The following SHANK2 variants were observed in gnomAD, a reference collection of about 807,000 sequenced individuals.
SHANK2 encodes SH3 and multiple ankyrin repeat domains 2.
In SHANK2, 43 loss-of-function variants were observed where a neutral mutation model predicts 133.7. The observed-to-expected ratio is 0.32, with a 90% CI of 0.25 to 0.41. The LOEUF is 0.41. Ranked by LOEUF, SHANK2 falls within the 10% of genes least tolerant of loss-of-function variation. The pLI is 1.00. For missense variants in SHANK2, 1,994 were observed against 2,235.8 expected, an observed-to-expected ratio of 0.89 and a Z score of 2.18; for synonymous variants, 1,017 against 952.8, an observed-to-expected ratio of 1.07 and a Z score of -1.24.
intron 17 of SHANK2, among the ~76,000 whole-genome samples, chr11:70,639,504 G>A (rs147597610): frequency 6.6e-6 from 1 of 152,084 alleles, no homozygotes; most frequent in Non-Finnish European, 1.5e-5. Flanking sequence ...CCTCCTGAAG[G>A]CCCCACCTTC....
In SHANK2 at chr11:70,583,096, G is replaced by A. The variant is rs116196977; in HGVS notation, c.2061+76732C>T. On this transcript the variant is annotated intron_variant, in intron 17 of 25. Coordinates refer to ENST00000601538, the MANE Select transcript of SHANK2 (RefSeq NM_012309.5). ...TTGGGGGAGAATCTGCATGGTGCCT[G>A]GCCCTGGGGCAGGGGCACTGGGCTG... is the stretch of plus-strand genomic sequence containing the variant. Among the ~76,000 whole-genome samples, 1,383 of 152,278 alleles carry A rather than the reference G, an allele frequency of 9.1e-3. 14 individuals are homozygous for A. Among genetic ancestry groups the A allele is most frequent in the African/African-American group, 0.032 (1,314 of 41,542 alleles).
At chr11:70,544,724 C>T (rs2059667762) in intron 17 of SHANK2, among the ~76,000 whole-genome samples, 1 of 152,204 alleles carries the variant, frequency 6.6e-6, no homozygotes, top group South Asian at 2.1e-4. Context: ...AGGGGAGGCC[C>T]CTGCTGCTGC....
chr11:70,703,316 G>T (rs1209886520), intron 14 of SHANK2, among the ~76,000 whole-genome samples: 2 of 152,232 alleles, frequency 1.3e-5, no homozygotes, highest in Non-Finnish European at 2.9e-5. Flanking sequence ...GCAGCCTCCG[G>T]GGGTAGTACC....
chr11:70,889,646 C>T (rs1268551392), intron 11 of SHANK2, among the ~76,000 whole-genome samples: 6 of 152,184 alleles, frequency 3.9e-5, no homozygotes, highest in South Asian at 2.1e-4. Flanking sequence ...CTGATGGTGG[C>T]GCTGGGCATC....
chr11:70,501,818 G>T, intron 20 of SHANK2, 105 bp downstream of exon 20: 2 of 1,188,758 alleles, frequency 1.7e-6, no homozygotes, highest in Non-Finnish European at 2.4e-6. Context: ...AGCCACGTGG[G>T]GAGCAGCTCA....
At chr11:70,781,442 C>T (rs1042117115) in intron 14 of SHANK2, among the ~76,000 whole-genome samples, 1 of 150,486 alleles carries the variant, frequency 6.6e-6, no homozygotes, top group South Asian at 2.1e-4. Context: ...AGTTAAGGAG[C>T]CTGTCTGGGA....
chr11:70,696,962 A>C (rs1945405328), intron 15 of SHANK2, among the ~76,000 whole-genome samples: 1 of 152,254 alleles, frequency 6.6e-6, no homozygotes, highest in South Asian at 2.1e-4. Context: ...GACACGCTAC[A>C]ACACGAATGA....
intron 15 of SHANK2, among the ~76,000 whole-genome samples, chr11:70,686,203 TATCC>T (rs781907518): frequency 0.02 from 2,032 of 101,656 alleles, 55 homozygotes; most frequent in Non-Finnish European, 0.025. Context: ...CCCATCCATC[TATCC>T]ATCCATCCAT....
intron 10 of SHANK2, among the ~76,000 whole-genome samples, chr11:70,905,230 C>T (rs1311090072): frequency 1.3e-5 from 2 of 152,164 alleles, no homozygotes; most frequent in South Asian, 2.1e-4. Context: ...GATCTGAATT[C>T]CACTGCTCCT....
At chr11:71,181,466 TA>T (rs1953555043) in intron 2 of SHANK2, among the ~76,000 whole-genome samples, 1 of 152,056 alleles carries the variant, frequency 6.6e-6, no homozygotes, top group Non-Finnish European at 1.5e-5. Context: ...AATGAGGCTC[TA>T]AAAGCAAACA....
chr11:70,845,865 G>T (rs559555613), intron 11 of SHANK2, among the ~76,000 whole-genome samples: 1 of 152,180 alleles, frequency 6.6e-6, no homozygotes, highest in Non-Finnish European at 1.5e-5. Flanking sequence ...GATAGAAACC[G>T]CCAGTGTTTG....
intron 6 of SHANK2, among the ~76,000 whole-genome samples, chr11:71,098,785 C>T (rs951774602): frequency 2.0e-5 from 3 of 152,182 alleles, no homozygotes; most frequent in Admixed American, 6.5e-5. Context: ...CCAAGCAATT[C>T]GCATCACTTC....
intron 11 of SHANK2, among the ~76,000 whole-genome samples, chr11:70,832,530 C>A (rs1478482204): frequency 6.6e-6 from 1 of 152,234 alleles, no homozygotes; most frequent in Admixed American, 6.5e-5. Flanking sequence ...GCCCTGCACA[C>A]TGGCAGTGAT....
Position 70,921,482 on chromosome 11 carries a change from G to C in SHANK2, c.1108-24915C>G, listed in dbSNP as rs186275118. Among the ~76,000 whole-genome samples, 571 of 152,366 alleles carry C rather than the reference G, an allele frequency of 3.7e-3. 4 individuals carry two copies. Among genetic ancestry groups the C allele is most frequent in the African/African-American group, 0.013 (544 of 41,592 alleles). On this transcript the variant is annotated intron_variant, in intron 10 of 25. Coordinates refer to ENST00000601538, the MANE Select transcript of SHANK2 (RefSeq NM_012309.5). The stretch of plus-strand genomic sequence containing the variant: ...AAAACTGCAGACCCGAAGGGGAGTT[G>C]TCTGGGCTAGAGGAAGGAGTAGAAA...
chr11:70,530,799 T>C (rs2059457711), intron 17 of SHANK2, among the ~76,000 whole-genome samples: 1 of 151,922 alleles, frequency 6.6e-6, no homozygotes, highest in South Asian at 2.1e-4. Flanking sequence ...ATTGGGAAGA[T>C]GGAAAGTTCT....
chr11:70,886,303 T>G (rs1949745049), intron 11 of SHANK2, among the ~76,000 whole-genome samples: 1 of 152,176 alleles, frequency 6.6e-6, no homozygotes, highest in Non-Finnish European at 1.5e-5. Flanking sequence ...GGGAATCTGG[T>G]CAACAGCTGT....
chr11:70,712,300 T>A (rs1206781920), intron 14 of SHANK2, among the ~76,000 whole-genome samples: 2 of 152,016 alleles, frequency 1.3e-5, no homozygotes, highest in Admixed American at 1.3e-4. Context: ...CAGATAACCC[T>A]CAGCTGACAG....
At chr11:71,089,755 A>G (rs1239968793) in intron 8 of SHANK2, among the ~76,000 whole-genome samples, 1 of 152,130 alleles carries the variant, frequency 6.6e-6, no homozygotes, top group African/African-American at 2.4e-5. Flanking sequence ...ACAAATGAGG[A>G]GGGGGCCAGG....
chr11:70,816,562 G>T (rs1039077828), intron 12 of SHANK2, among the ~76,000 whole-genome samples: 1 of 152,220 alleles, frequency 6.6e-6, no homozygotes, highest in Admixed American at 6.5e-5. Context: ...GTGCCACATG[G>T]CCAGGGCCCG....
Sources: gnomAD v4.1 joint callset for allele counts (sites outside exome capture counted in the v4.1 genomes callset) on GRCh38, gnomAD v4.1.1 for gene constraint, MANE v1.5 for transcripts, NCBI Gene and HGNC (gene_info 2026-07-23, HGNC 2026-07-21) for gene names.